Variants in SLC36A4 observed in about 807,000 individuals in gnomAD.
SLC36A4 encodes solute carrier family 36 member 4.
In SLC36A4, 49 loss-of-function variants were observed where a neutral mutation model predicts 50.5. That is an observed-to-expected ratio of 0.97 (90% CI 0.77 to 1.23). The LOEUF (loss-of-function observed/expected upper bound fraction) is 1.23. SLC36A4 is among the 50% of genes most tolerant of loss of function. The probability of loss-of-function intolerance (pLI) is 0.00; values close to 1 mark genes in which losing one functional copy is unlikely to be tolerated. For missense variants in SLC36A4, 611 were observed against 608.4 expected (o/e 1.00, Z -0.05); for synonymous variants, 207 against 206.5 (o/e 1.00, Z -0.02).
At chr11:93,167,136 T>C (rs2134658515) in intron 7 of SLC36A4, 1 of 152,220 alleles carries the variant, frequency 6.6e-6, no homozygotes, top group African/African-American at 2.4e-5. Context: ...ACTACAACTT[T>C]TGAAAATCAA....
chr11:93,152,745 C>G (rs1860154873), intron 10 of SLC36A4: 1 of 152,078 alleles, frequency 6.6e-6, no homozygotes, highest in Non-Finnish European at 1.5e-5. Flanking sequence ...CCCTCAAACT[C>G]CTTTACCTGA....
At chr11:93,180,635 T>TC (rs935504206) in intron 6 of SLC36A4, among the ~76,000 whole-genome samples, 162 bp downstream of exon 6, 2 of 151,764 alleles carry the variant, frequency 1.3e-5, no homozygotes, top group African/African-American at 4.8e-5. Context: ...ACAGCAGAAA[T>TC]CCAACTTGCA....
intron 6 of SLC36A4, among the ~76,000 whole-genome samples, chr11:93,178,826 GT>G (rs1236910831): frequency 3.3e-5 from 5 of 152,156 alleles, no homozygotes; most frequent in Non-Finnish European, 7.3e-5. Context: ...CTTCAACATA[GT>G]ACTGGAAGTC....
chr11:93,181,019 G>T, intron 5 of SLC36A4, 138 bp from the exon 6 acceptor site: 6 of 623,198 alleles, frequency 9.6e-6, no homozygotes, highest in East Asian at 2.9e-5. Context: ...ACTCAGAGCA[G>T]TTCATGCCAA....
intron 1 of SLC36A4, among the ~76,000 whole-genome samples, chr11:93,187,410 A>G (rs1311630584): frequency 6.6e-6 from 1 of 152,170 alleles, no homozygotes; most frequent in Non-Finnish European, 1.5e-5. Flanking sequence ...ATAGCTTTAA[A>G]TATGTATTTG....
intron 9 of SLC36A4, 52 bp from the exon 10 acceptor site, chr11:93,154,329 T>C: frequency 2.2e-6 from 2 of 901,984 alleles, no homozygotes; most frequent in Non-Finnish European, 3.1e-6. Flanking sequence ...AATTTAGTTT[T>C]CCTCCTTTAT....
In SLC36A4 at chr11:93,165,952, C is replaced by T; in HGVS notation, c.833G>A (p.Gly278Asp). Residue 278 changes from glycine to aspartate, a missense_variant, in exon 8 of 11, where the codon GGT (glycine) becomes GAT (aspartate). Physicochemically the swap from Gly to Asp is moderately conservative, Grantham distance 94 (BLOSUM62 -1). Coordinates refer to ENST00000326402, the MANE Select transcript of SLC36A4 (RefSeq NM_152313.4). Reference protein sequence around the residue: ...AGWKKYPLFFGTAVFAFEGIG... With the variant: ...AGWKKYPLFFDTAVFAFEGIG... The stretch of plus-strand genomic sequence containing the variant: ...GCCTTCAAAAGCAAATACAGCAGTA[C>T]CAAAAAAGAGTGGGTATTTCTTCCA... The T allele has an allele frequency of 1.2e-6, 2 of 1,610,360 alleles. No homozygotes were observed. Among genetic ancestry groups the T allele is most frequent in the East Asian group, 2.2e-5 (1 of 44,766 alleles).
intron 6 of SLC36A4, chr11:93,170,163 G>C (rs924743378): frequency 2.6e-5 from 4 of 152,074 alleles, no homozygotes; most frequent in African/African-American, 9.7e-5. Flanking sequence ...TCTAGAGACA[G>C]AGATTGGCTA....
rs200976617 is a variant in SLC36A4 at position 93,148,820 on chromosome 11, C to G, written c.1232G>C (p.Arg411Pro). 1 of 1,611,286 alleles carries G rather than the reference C, an allele frequency of 6.2e-7. No individual in the cohort carries two copies. Residue 411 changes from arginine (R) to proline (P), a missense_variant, in exon 11 of 11, where the codon CGT (arginine) becomes CCT (proline). Coordinates refer to ENST00000326402, the MANE Select transcript of SLC36A4 (RefSeq NM_152313.4). ...AACGAAGGAAATCACAATGTCTAAA[C>G]GAGGAATAAGAATTGCTCCGGCACC... ...ITCAGAILIP[R>P]LDIVISFVGA...
chr11:93,191,459 G>A (rs911416149), intron 1 of SLC36A4, among the ~76,000 whole-genome samples: 3 of 152,138 alleles, frequency 2.0e-5, no homozygotes, highest in African/African-American at 7.2e-5. Context: ...CAGTGTTGTC[G>A]AGAATCGCGT....
At chr11:93,156,460 C>T (rs905605338) in intron 9 of SLC36A4, among the ~76,000 whole-genome samples, 2 of 149,134 alleles carry the variant, frequency 1.3e-5, no homozygotes, top group Non-Finnish European at 3.0e-5. Context: ...CACTCTGTTG[C>T]CCAGGCTGGA....
chr11:93,195,797 T>C (rs1438127945), intron 1 of SLC36A4, among the ~76,000 whole-genome samples: 1 of 152,204 alleles, frequency 6.6e-6, no homozygotes. Flanking sequence ...ATTTGGCTAA[T>C]TTCCTTACCT....
rs1002279380 is a variant in SLC36A4, at chr11:93,144,621, A to T, written c.*3916T>A. The T allele has an allele frequency of 6.6e-6, 1 of 152,088 alleles. No individual in the cohort carries two copies. Among genetic ancestry groups the T allele is most frequent in the East Asian group, 1.9e-4 (1 of 5,172 alleles). The allele number at this position is 152,088 out of a possible 1,614,324, so 9.4% of individuals were successfully genotyped here. ...TCATAGGGCAATAAATAGCATTTCT[A>T]GCCATTTCTTAGGCATGTTTCCTTA... On this transcript the variant is annotated 3_prime_UTR_variant, in exon 11 of 11. Coordinates refer to ENST00000326402, the MANE Select transcript of SLC36A4 (RefSeq NM_152313.4).
chr11:93,167,286 TTG>T (rs1220831392), intron 7 of SLC36A4: 4 of 152,140 alleles, frequency 2.6e-5, no homozygotes, highest in African/African-American at 7.2e-5. Flanking sequence ...TCAACCTTTT[TTG>T]TGTCTTTGAC....
In SLC36A4 at chr11:93,162,781, A is replaced by G. The variant is rs771940080; in HGVS notation, c.962T>C (p.Leu321Ser). The change falls in exon 9 of 11, where the codon TTA (leucine) becomes TCA (serine). Residue 321 changes from leucine to serine, a missense_variant. Physicochemically the swap from Leu to Ser is moderately radical, Grantham distance 145 (BLOSUM62 -2). Transcript: ENST00000326402. ...MGIVTTLYVTLATLGYMCFHD... is the reference protein window; with the variant it reads ...MGIVTTLYVTSATLGYMCFHD... ...GAAACACATATATCCTAAAGTAGCT[A>G]ATGTTACATACAAAGTTGTAACAAT... is the stretch of plus-strand genomic sequence containing the variant. 2 of 1,613,610 alleles carry G rather than the reference A, an allele frequency of 1.2e-6. No individual in the cohort carries two copies. The highest frequency in any genetic ancestry group is 1.7e-6 in the Non-Finnish European group (2 of 1,179,716).
intron 6 of SLC36A4, among the ~76,000 whole-genome samples, chr11:93,174,464 G>C (rs1284177641): frequency 6.8e-6 from 1 of 146,484 alleles, no homozygotes; most frequent in Non-Finnish European, 1.5e-5. Flanking sequence ...AATTGCCCTG[G>C]CCAGAACTTC....
chr11:93,177,433 G>A (rs150195070), intron 6 of SLC36A4, among the ~76,000 whole-genome samples: 7,919 of 152,242 alleles, frequency 0.052, 287 homozygotes, highest in South Asian at 0.12. Context: ...ACTACCGATC[G>A]TCTGAAGCCT....
intron 3 of SLC36A4, among the ~76,000 whole-genome samples, 174 bp from the exon 4 acceptor site, chr11:93,183,068 T>C (rs1861805965): frequency 6.6e-6 from 1 of 152,176 alleles, no homozygotes; most frequent in Non-Finnish European, 1.5e-5. Context: ...TTTCGAGTAA[T>C]ATTTAAGACA....
intron 8 of SLC36A4, among the ~76,000 whole-genome samples, chr11:93,165,544 A>AT (rs1034086618): frequency 7.2e-5 from 11 of 152,010 alleles, no homozygotes; most frequent in Non-Finnish European, 1.2e-4. Flanking sequence ...TGGGATATAG[A>AT]TTTTTTTTAA....
Sources: allele counts gnomAD v4.1 joint callset (sites outside exome capture counted in the v4.1 genomes callset), GRCh38; gene constraint gnomAD v4.1.1; transcripts MANE v1.5; gene names NCBI Gene and HGNC (gene_info 2026-07-23, HGNC 2026-07-21).